The following FRMD3 variants were observed in gnomAD, a reference collection of about 807,000 sequenced individuals.
The protein encoded by FRMD3 is FERM domain-containing protein 3.
A neutral mutation model predicts 70.2 loss-of-function variants in FRMD3; 33 were observed. The ratio of observed to expected loss-of-function variants is 0.47; its 90% confidence interval spans 0.36 to 0.63. The LOEUF is 0.63. FRMD3 is among the 20% of genes least tolerant of loss of function. The pLI is 0.00. For synonymous variants in FRMD3, 279 were observed against 255.9 expected (o/e 1.09, Z -0.86); for missense variants, 632 against 711.4 (o/e 0.89, Z 1.27).
intron 1 of FRMD3, among the ~76,000 whole-genome samples, chr9:83,442,702 G>A (rs1367904386): frequency 1.3e-5 from 2 of 151,640 alleles, no homozygotes; most frequent in East Asian, 1.9e-4. Context: ...ACCACCTCTT[G>A]GGGTAATAGT....
downstream of FRMD3, chr9:83,243,008 T>C: frequency 1.6e-6 from 1 of 609,286 alleles, no homozygotes; most frequent in Non-Finnish European, 2.9e-6. Flanking sequence ...TAAAAGCAGC[T>C]TTATTAATGG....
At chr9:83,279,856 T>A (rs1458686048) in intron 13 of FRMD3, among the ~76,000 whole-genome samples, 1 of 152,110 alleles carries the variant, frequency 6.6e-6, no homozygotes, top group Non-Finnish European at 1.5e-5. Flanking sequence ...TAGGGCTTAA[T>A]ACCTAGGTGA....
At chr9:83,584,216 G>T in the FRMD3 span, among the ~76,000 whole-genome samples, 1 of 151,942 alleles carries the variant, frequency 6.6e-6, no homozygotes, top group African/African-American at 2.4e-5. Context: ...CACACCTGTA[G>T]TCCCAGCTAC....
Position 83,538,134 on chromosome 9 carries a change from C to T in FRMD3, c.98G>A (p.Arg33Lys). 6.2e-7 allele frequency: 1 copy of T among 1,613,706 alleles called. No individual in the cohort carries two copies. Among genetic ancestry groups the T allele is most frequent in the Non-Finnish European group, 8.5e-7 (1 of 1,179,810 alleles). Residue 33 changes from arginine to lysine, a missense_variant, in exon 1 of 14, where the codon AGA becomes AAA. Coordinates refer to ENST00000304195, the MANE Select transcript of FRMD3 (RefSeq NM_174938.6). This position sits in a 1 kb window ranked among gnomAD's most constrained non-coding sequence, Gnocchi z 4.7. ...GTCGTCCAGCAGCCGGATGGTGCAT[C>T]TCATCTCCTGGCTGAGCGATTTGAC... ...SSVKSLSQEM[R>K]CTIRLLDDSE...
rs57558822 is a variant in FRMD3, at chr9:83,372,964, G to GA, written c.253-10dup. ...TTAGGTTCAAGCCAGTGCTAGGGAG[G>GA]AAAAAAAAAAAAGCAGAGATCAGGG... On this transcript the variant is annotated splice_polypyrimidine_tract_variant and intron_variant, in intron 2 of 13. Coordinates refer to ENST00000304195, the MANE Select transcript of FRMD3 (RefSeq NM_174938.6). 32,350 of 1,330,502 alleles carry GA rather than the reference G, an allele frequency of 0.024. No individual in the cohort carries two copies. Among genetic ancestry groups the GA allele is most frequent in the Non-Finnish European group, 0.027 (25,847 of 961,238 alleles). 82.4% of individuals were successfully genotyped at this position (1,330,502 alleles called of 1,614,324 possible). A position where few individuals can be genotyped will look rare whatever the true frequency, so the allele number is the denominator to read the frequency against.
chr9:83,343,346 G>A, intron 4 of FRMD3, 59 bp from the exon 5 acceptor site: 1 of 1,194,874 alleles, frequency 8.4e-7, no homozygotes. Context: ...GGAAGAAGTA[G>A]GATTGTTCAT....
intron 1 of FRMD3, among the ~76,000 whole-genome samples, chr9:83,393,389 A>G (rs952622379): frequency 6.6e-6 from 1 of 152,226 alleles, no homozygotes; most frequent in Non-Finnish European, 1.5e-5. Flanking sequence ...GACAGCAGTC[A>G]CCATCCTTTT....
chr9:83,566,610 G>A, the FRMD3 span, among the ~76,000 whole-genome samples: 3 of 152,226 alleles, frequency 2.0e-5, no homozygotes, highest in South Asian at 6.2e-4. Flanking sequence ...AGATACAATG[G>A]GGGTACAGTA....
intron 1 of FRMD3, among the ~76,000 whole-genome samples, chr9:83,442,042 T>C (rs527932316): frequency 6.6e-6 from 1 of 152,304 alleles, no homozygotes; most frequent in East Asian, 1.9e-4. Context: ...ATCTTTCAAA[T>C]TGATAGAATT....
intron 13 of FRMD3, among the ~76,000 whole-genome samples, chr9:83,254,758 C>T (rs12685462): frequency 0.099 from 15,063 of 152,104 alleles, 977 homozygotes; most frequent in East Asian, 0.16. Context: ...CCTCTATGCA[C>T]ATGAACTAGA....
intron 1 of FRMD3, among the ~76,000 whole-genome samples, chr9:83,409,900 C>T (rs576604824): frequency 2.6e-5 from 4 of 152,302 alleles, no homozygotes; most frequent in African/African-American, 7.2e-5. Context: ...TCCAACCAAC[C>T]GGTCTGTCAC....
intron 1 of FRMD3, among the ~76,000 whole-genome samples, chr9:83,486,328 C>A (rs1480029983): frequency 6.6e-6 from 1 of 152,150 alleles, no homozygotes; most frequent in Non-Finnish European, 1.5e-5. Flanking sequence ...ACCACCAGGG[C>A]CTCCATAGCC....
chr9:83,336,699 C>T (rs1823591926), intron 5 of FRMD3, among the ~76,000 whole-genome samples: 1 of 142,692 alleles, frequency 7.0e-6, no homozygotes, highest in African/African-American at 2.7e-5. Flanking sequence ...AACATTGCCC[C>T]CACTTGGCCA....
intron 1 of FRMD3, among the ~76,000 whole-genome samples, chr9:83,485,047 ATAT>A (rs1024584284): frequency 8.5e-5 from 13 of 152,236 alleles, no homozygotes; most frequent in African/African-American, 3.1e-4. Flanking sequence ...AGAGAAACAA[ATAT>A]TGATGATAGC....
intron 12 of FRMD3, among the ~76,000 whole-genome samples, chr9:83,293,954 A>G (rs1006466578): frequency 6.6e-6 from 1 of 152,248 alleles, no homozygotes; most frequent in Non-Finnish European, 1.5e-5. Flanking sequence ...TCCCAGCCCA[A>G]TGTGAGGCAC....
At chr9:83,478,356 T>A (rs778738055) in intron 1 of FRMD3, among the ~76,000 whole-genome samples, 3 of 152,130 alleles carry the variant, frequency 2.0e-5, no homozygotes, top group Non-Finnish European at 4.4e-5. Flanking sequence ...TACTCTTCTA[T>A]CCAGAAACCC....
intron 4 of FRMD3, 76 bp downstream of exon 4, chr9:83,349,603 C>T: frequency 2.0e-6 from 2 of 1,013,144 alleles, no homozygotes; most frequent in Non-Finnish European, 3.0e-6. Context: ...GACAGGAGGC[C>T]CATCTAGCCT....
intron 1 of FRMD3, among the ~76,000 whole-genome samples, chr9:83,420,716 T>C (rs1252754577): frequency 6.6e-6 from 1 of 152,170 alleles, no homozygotes; most frequent in Admixed American, 6.5e-5. Context: ...TAAACAATAA[T>C]GAGTGAGTTC....
intron 13 of FRMD3, among the ~76,000 whole-genome samples, chr9:83,279,818 G>T (rs192405288): frequency 6.6e-6 from 1 of 151,102 alleles, no homozygotes; most frequent in Non-Finnish European, 1.5e-5. Flanking sequence ...GGGGGAGGGA[G>T]AGCGTCAGGA....
Sources: gnomAD v4.1 joint callset for allele counts (sites outside exome capture counted in the v4.1 genomes callset) on GRCh38, gnomAD v4.1.1 for gene constraint, Gnocchi (gnomAD v3.1) non-coding constraint, MANE v1.5 for transcripts, NCBI Gene and HGNC (gene_info 2026-07-23, HGNC 2026-07-21) for gene names.